Variants in DGKB observed in about 807,000 individuals in gnomAD.
The protein encoded by DGKB is diacylglycerol kinase beta, also known as 90 kDa diacylglycerol kinase.
A neutral mutation model predicts 114.3 loss-of-function variants in DGKB; 67 were observed. The observed-to-expected ratio is 0.59, with a 90% CI of 0.48 to 0.72. DGKB has a LOEUF of 0.72. DGKB is among the 30% of genes least tolerant of loss of function. DGKB has a pLI of 0.00. For synonymous variants in DGKB, 398 were observed against 323.1 expected, an observed-to-expected ratio of 1.23 and a Z score of -2.49; for missense variants, 907 against 975.2, an observed-to-expected ratio of 0.93 and a Z score of 0.93.
Position 14,821,656 on chromosome 7 carries a change from T to C in DGKB, c.70+19538A>G, listed in dbSNP as rs182602650. Among the ~76,000 whole-genome samples, 505 of 152,308 alleles carry C rather than the reference T, an allele frequency of 3.3e-3. 6 individuals carry two copies. Among genetic ancestry groups the C allele is most frequent in the South Asian group, 0.024 (115 of 4,826 alleles). On this transcript the variant is annotated intron_variant, in intron 2 of 25. Transcript: ENST00000402815. ...AAAGGTGGGCCAGAGAACATCCACA[T>C]ACGTCTTACAGGACATGATAGGGAT...
chr7:14,531,426 C>T (rs1358330761), intron 20 of DGKB, among the ~76,000 whole-genome samples: 4 of 151,140 alleles, frequency 2.6e-5, no homozygotes, highest in African/African-American at 4.8e-5. Context: ...AATAATCATA[C>T]AGTAAAGTCA....
At chr7:14,345,804 C>A (rs1812383909) in intron 21 of DGKB, among the ~76,000 whole-genome samples, 1 of 151,314 alleles carries the variant, frequency 6.6e-6, no homozygotes, top group Admixed American at 6.6e-5. Context: ...AAAGTAATAA[C>A]AATATTATAT....
At chr7:14,529,438 TA>T (rs1026168719) in intron 20 of DGKB, among the ~76,000 whole-genome samples, 3 of 151,858 alleles carry the variant, frequency 2.0e-5, no homozygotes, top group African/African-American at 7.2e-5. Context: ...GTAATATGAT[TA>T]AAAACATTAA....
At chr7:14,772,820 T>C (rs1192067866) in intron 2 of DGKB, among the ~76,000 whole-genome samples, 1 of 152,150 alleles carries the variant, frequency 6.6e-6, no homozygotes, top group African/African-American at 2.4e-5. Flanking sequence ...TTCTTGTACT[T>C]GGACATAGCC....
intron 4 of DGKB, among the ~76,000 whole-genome samples, chr7:14,745,202 C>A (rs988739541): frequency 6.6e-6 from 1 of 152,172 alleles, no homozygotes; most frequent in Non-Finnish European, 1.5e-5. Context: ...CTAATAACTC[C>A]GTTTGTCTCT....
At chr7:14,280,058 C>G (rs1040183256) in intron 23 of DGKB, among the ~76,000 whole-genome samples, 1 of 151,998 alleles carries the variant, frequency 6.6e-6, no homozygotes, top group Non-Finnish European at 1.5e-5. Context: ...GATCAAATTA[C>G]TCTGAGCTAT....
chr7:14,803,595 C>T (rs1180812941), intron 2 of DGKB, among the ~76,000 whole-genome samples: 1 of 152,114 alleles, frequency 6.6e-6, no homozygotes, highest in African/African-American at 2.4e-5. Flanking sequence ...GACACTGTCC[C>T]TTTCGGGCTG....
chr7:14,330,343 T>G (rs1246374195), intron 23 of DGKB, among the ~76,000 whole-genome samples: 1 of 151,928 alleles, frequency 6.6e-6, no homozygotes, highest in East Asian at 1.9e-4. Flanking sequence ...TGATAGAGAG[T>G]TGCTCATTAT....
chr7:14,689,766 CAAATT>C (rs756987510), intron 9 of DGKB, among the ~76,000 whole-genome samples: 28 of 152,230 alleles, frequency 1.8e-4, no homozygotes, highest in Admixed American at 5.2e-4. Flanking sequence ...AACTCTTAAC[CAAATT>C]AAAAACTTTT....
At chr7:14,824,357 T>C (rs1445313697) in intron 2 of DGKB, among the ~76,000 whole-genome samples, 1 of 152,178 alleles carries the variant, frequency 6.6e-6, no homozygotes, top group Admixed American at 6.6e-5. Context: ...AGAATACTTG[T>C]TTTGTTCTGT....
chr7:14,828,384 C>T (rs1433738288), intron 2 of DGKB, among the ~76,000 whole-genome samples: 1 of 151,952 alleles, frequency 6.6e-6, no homozygotes, highest in African/African-American at 2.4e-5. Context: ...GTTGAAGAGG[C>T]AAAGATCATA....
intron 6 of DGKB, among the ~76,000 whole-genome samples, chr7:14,705,690 C>T (rs1358193474): frequency 6.7e-6 from 1 of 150,172 alleles, no homozygotes; most frequent in Non-Finnish European, 1.5e-5. Context: ...AATTTTCAAC[C>T]CAGAATTTCA....
intron 20 of DGKB, among the ~76,000 whole-genome samples, chr7:14,520,020 T>C (rs1010220520): frequency 4.6e-5 from 7 of 151,850 alleles, no homozygotes. Flanking sequence ...CTTAATGGTA[T>C]CTTTTAAAGA....
At chr7:14,693,489 G>A (rs1823253999) in intron 9 of DGKB, among the ~76,000 whole-genome samples, 1 of 151,688 alleles carries the variant, frequency 6.6e-6, no homozygotes. Context: ...GAAAACTTTT[G>A]ACAGGCGATA....
chr7:14,546,883 T>A (rs1470673036), intron 20 of DGKB, among the ~76,000 whole-genome samples: 1 of 152,190 alleles, frequency 6.6e-6, no homozygotes, highest in Non-Finnish European at 1.5e-5. Context: ...TTCTGGCCAT[T>A]TGAATCCCAA....
intron 20 of DGKB, among the ~76,000 whole-genome samples, chr7:14,496,132 C>T (rs1014397258): frequency 3.3e-5 from 5 of 151,736 alleles, no homozygotes; most frequent in Admixed American, 6.6e-5. Flanking sequence ...AAAAAATTTA[C>T]GGAAGTAGCT....
chr7:14,250,321 C>T (rs779005375), intron 23 of DGKB, among the ~76,000 whole-genome samples: 59 of 151,728 alleles, frequency 3.9e-4, no homozygotes, highest in African/African-American at 1.2e-3. Flanking sequence ...CTGCTTTTGC[C>T]GTATCACATG....
At chr7:14,349,508 C>A (rs1813082484) in intron 21 of DGKB, among the ~76,000 whole-genome samples, 1 of 152,124 alleles carries the variant, frequency 6.6e-6, no homozygotes, top group Admixed American at 6.6e-5. Context: ...AAGATATGCT[C>A]ACTTTAGCAA....
At chr7:14,856,363 A>G (rs1048130370) in intron 1 of DGKB, among the ~76,000 whole-genome samples, 6 of 152,144 alleles carry the variant, frequency 3.9e-5, no homozygotes, top group Admixed American at 1.3e-4. Context: ...TGTTTTTTCA[A>G]TTGGTAAGCC....
Sources: allele counts gnomAD v4.1 joint callset (sites outside exome capture counted in the v4.1 genomes callset), GRCh38; gene constraint gnomAD v4.1.1; transcripts MANE v1.5; gene names NCBI Gene and HGNC (gene_info 2026-07-23, HGNC 2026-07-21).